The following STK32C variants were observed in gnomAD, a reference collection of about 807,000 sequenced individuals.
STK32C encodes serine/threonine-protein kinase 32C.
A neutral mutation model predicts 56.5 loss-of-function variants in STK32C; 31 were observed. The observed-to-expected ratio is 0.55, with a 90% CI of 0.41 to 0.74. The LOEUF (loss-of-function observed/expected upper bound fraction) is 0.74. Ranked by LOEUF, STK32C falls within the 30% of genes least tolerant of loss-of-function variation. The pLI is 0.00. For synonymous variants in STK32C, 309 were observed against 289.4 expected (o/e 1.07, Z -0.69); for missense variants, 544 against 676.9 (o/e 0.80, Z 2.18).
At chr10:132,322,040 T>G (rs564712951), downstream of STK32C, among the ~76,000 whole-genome samples, 2 of 152,010 alleles carry the variant, frequency 1.3e-5, no homozygotes, top group Non-Finnish European at 2.9e-5. Flanking sequence ...CAGCAGCGGG[T>G]TCCGTGGGCT....
At chr10:132,278,058 T>C (rs748703757) in intron 1 of STK32C, among the ~76,000 whole-genome samples, 4 of 152,124 alleles carry the variant, frequency 2.6e-5, no homozygotes, top group Non-Finnish European at 4.4e-5. Flanking sequence ...AGGGGGCAGC[T>C]TAGGAATAGA....
intron 8 of STK32C, 147 bp from the exon 9 acceptor site, chr10:132,223,133 G>T: frequency 8.7e-7 from 1 of 1,143,002 alleles, no homozygotes; most frequent in Non-Finnish European, 1.2e-6. Context: ...GCGAGGAAGG[G>T]TGGTGCCGAC....
intron 2 of STK32C, among the ~76,000 whole-genome samples, chr10:132,229,173 A>AC (rs1314462738): frequency 6.6e-6 from 1 of 152,206 alleles, no homozygotes; most frequent in Admixed American, 6.5e-5. Context: ...CCTGTCTGAC[A>AC]CTCAGGTTGG....
intron 1 of STK32C, among the ~76,000 whole-genome samples, chr10:132,283,297 G>A (rs1040722234): frequency 6.6e-6 from 1 of 152,266 alleles, no homozygotes; most frequent in Non-Finnish European, 1.5e-5. Flanking sequence ...TGTAACACGG[G>A]TAAGTTACAA....
At chr10:132,289,121 C>T (rs2065495258) in intron 1 of STK32C, among the ~76,000 whole-genome samples, 1 of 152,082 alleles carries the variant, frequency 6.6e-6, no homozygotes, top group Non-Finnish European at 1.5e-5. Flanking sequence ...AAAAAATAGA[C>T]CCAAACATAC....
chr10:132,269,152 CGTT>C (rs2064727331), intron 1 of STK32C, among the ~76,000 whole-genome samples: 1 of 147,468 alleles, frequency 6.8e-6, no homozygotes, highest in Non-Finnish European at 1.5e-5. Flanking sequence ...TGTTGGTTCA[CGTT>C]GCATCGTGTG....
At chr10:132,286,111 G>A (rs1025858711) in intron 1 of STK32C, among the ~76,000 whole-genome samples, 4 of 151,028 alleles carry the variant, frequency 2.6e-5, no homozygotes, top group Admixed American at 2.6e-4. Flanking sequence ...GGGTGACGGA[G>A]CGAGACTCTG....
At chr10:132,304,605 G>C (rs1564793880) in intron 1 of STK32C, among the ~76,000 whole-genome samples, 1 of 152,238 alleles carries the variant, frequency 6.6e-6, no homozygotes, top group East Asian at 1.9e-4. Context: ...TGTATTTCCA[G>C]AAAAAGGCTG....
intron 2 of STK32C, among the ~76,000 whole-genome samples, chr10:132,234,222 CT>C (rs1045286608): frequency 1.3e-5 from 2 of 152,180 alleles, no homozygotes; most frequent in African/African-American, 4.8e-5. Flanking sequence ...CGTGATCCAT[CT>C]TGAGGGCCAC....
At chr10:132,218,680 G>T (rs1280916106) in intron 10 of STK32C, among the ~76,000 whole-genome samples, 1 of 152,182 alleles carries the variant, frequency 6.6e-6, no homozygotes. Flanking sequence ...ATATGACCCA[G>T]CGGGTTCATG....
downstream of STK32C, among the ~76,000 whole-genome samples, chr10:132,320,563 G>A (rs1467120426): frequency 6.6e-6 from 1 of 152,182 alleles, no homozygotes; most frequent in Non-Finnish European, 1.5e-5. Context: ...CCTGTTCTCG[G>A]GTTGCTGGAG....
At chr10:132,218,389 T>C (rs1005115260) in intron 10 of STK32C, among the ~76,000 whole-genome samples, 3 of 151,686 alleles carry the variant, frequency 2.0e-5, no homozygotes, top group Non-Finnish European at 4.4e-5. Flanking sequence ...AAAAAGACAA[T>C]AAAAATTTTA....
chr10:132,245,085 G>A (rs1389065582), intron 2 of STK32C, among the ~76,000 whole-genome samples: 2 of 152,332 alleles, frequency 1.3e-5, no homozygotes, highest in East Asian at 1.9e-4. Context: ...ATGAAATGGA[G>A]GTAATTAATC....
chr10:132,208,459 G>A (rs768479709), intron 11 of STK32C, among the ~76,000 whole-genome samples: 5 of 152,172 alleles, frequency 3.3e-5, no homozygotes, highest in Non-Finnish European at 7.4e-5. Flanking sequence ...TTCTTCACCC[G>A]GTCATCTGAT....
At chr10:132,295,349 G>A (rs1233970117) in intron 1 of STK32C, among the ~76,000 whole-genome samples, 2 of 152,184 alleles carry the variant, frequency 1.3e-5, no homozygotes, top group Non-Finnish European at 1.5e-5. Flanking sequence ...CTGCAGCATC[G>A]TGCAGTGCCC....
chr10:132,230,676 T>TGGTGGGGGGGG lies in STK32C; in HGVS notation c.319-2549_319-2548insCCCCCCCCACC, dbSNP rs1301559652. On this transcript the variant is annotated intron_variant, in intron 2 of 11. Coordinates refer to ENST00000298630, the MANE Select transcript of STK32C (RefSeq NM_173575.4). The stretch of plus-strand genomic sequence containing the variant: ...GGGCTCTTGCTGCTGGGGGGGAAGC[T>TGGTGGGGGGGG]GGCGGGGGGGGGGGGGCTGCAGAGC... 1.6e-3 allele frequency among the ~76,000 whole-genome samples: 11 copies of TGGTGGGGGGGG among 6,764 alleles called. 1 individual carries two copies. The highest frequency in any genetic ancestry group is 2.0e-3 in the Non-Finnish European group (6 of 3,038). 4.4% of individuals were successfully genotyped at this position (6,764 alleles called of 152,430 possible). A position where few individuals can be genotyped will look rare whatever the true frequency, so the allele number is the denominator to read the frequency against.
Position 132,207,734 on chromosome 10 carries a change from C to CCCCGTGAGCGGTAAGAGGGCG in STK32C, c.*255_*275dup. Reference sequence around the variant, plus strand: ...TCCTGTCCCATCCATGGCCCCAGCTCCCCGTGAGCGGTAAGAGGGCGCCCA... The same window carrying CCCCGTGAGCGGTAAGAGGGCG: ...TCCTGTCCCATCCATGGCCCCAGCTCCCCGTGAGCGGTAAGAGGGCGCCCGTGAGCGGTAAGAGGGCGCCCA... On this transcript the variant is annotated 3_prime_UTR_variant, in exon 12 of 12. Coordinates refer to ENST00000298630, the MANE Select transcript of STK32C (RefSeq NM_173575.4). The CCCCGTGAGCGGTAAGAGGGCG allele has an allele frequency of 3.0e-6, 1 of 332,812 alleles. No individual in the cohort carries two copies. Among genetic ancestry groups the CCCCGTGAGCGGTAAGAGGGCG allele is most frequent in the Non-Finnish European group, 5.4e-6 (1 of 186,008 alleles). 20.6% of individuals were successfully genotyped at this position (332,812 alleles called of 1,614,324 possible).
intron 1 of STK32C, among the ~76,000 whole-genome samples, chr10:132,294,286 G>A (rs1020616920): frequency 2.6e-5 from 4 of 152,162 alleles, no homozygotes; most frequent in African/African-American, 9.7e-5. Flanking sequence ...TGGGGATCAG[G>A]AGTGTCAGAC....
chr10:132,290,157 G>A (rs746521559), intron 1 of STK32C, among the ~76,000 whole-genome samples: 1 of 152,078 alleles, frequency 6.6e-6, no homozygotes, highest in Non-Finnish European at 1.5e-5. Context: ...AAGAACCCCG[G>A]GACCCAGCCA....
Sources: allele counts gnomAD v4.1 joint callset (sites outside exome capture counted in the v4.1 genomes callset), GRCh38; gene constraint gnomAD v4.1.1; transcripts MANE v1.5; gene names NCBI Gene and HGNC (gene_info 2026-07-23, HGNC 2026-07-21).